Variants in DMD observed in about 807,000 individuals in gnomAD.
DMD encodes the protein mutant dystrophin.
A neutral mutation model predicts 330.1 loss-of-function variants in DMD; 63 were observed. The observed-to-expected ratio is 0.19, with a 90% CI of 0.16 to 0.24. The LOEUF is 0.24. DMD is among the 10% of genes least tolerant of loss of function. DMD has a pLI of 1.00. For synonymous variants in DMD, 1,223 were observed against 959.8 expected (o/e 1.27, Z -5.07); for missense variants, 3,344 against 2,684.1 (o/e 1.25, Z -5.43).
intron 7 of DMD, among the ~76,000 whole-genome samples, chrX:32,705,997 C>G (rs1451870122): frequency 9.2e-6 from 1 of 108,618 alleles, no homozygotes; most frequent in Non-Finnish European, 1.9e-5. Flanking sequence ...CAATGATAGA[C>G]TGGATTAAGA....
chrX:32,738,246 T>C (rs754099441), intron 7 of DMD, among the ~76,000 whole-genome samples: 2 of 111,887 alleles, frequency 1.8e-5, no homozygotes, highest in African/African-American at 3.2e-5. Context: ...TGATGGACTT[T>C]ACCTAAGGTG....
intron 55 of DMD, among the ~76,000 whole-genome samples, chrX:31,520,336 G>A (rs1043257262): frequency 5.4e-5 from 6 of 110,133 alleles, no homozygotes; most frequent in African/African-American, 2.0e-4. Context: ...GAGATTTGAT[G>A]GTTTTATAAG....
At chrX:32,783,080 CACAT>C (rs1476963504) in intron 7 of DMD, among the ~76,000 whole-genome samples, 1 of 101,375 alleles carries the variant, frequency 9.9e-6, no homozygotes, top group Non-Finnish European at 2.0e-5. Flanking sequence ...TATATACACA[CACAT>C]ATACATATAT....
chrX:31,443,155 G>A, intron 60 of DMD, among the ~76,000 whole-genome samples: 1 of 111,644 alleles, frequency 9.0e-6, no homozygotes, highest in South Asian at 3.9e-4. Context: ...GAGAAAATTG[G>A]AAAGGAGAGA....
At chrX:32,927,918 G>A (rs2089216476) in intron 2 of DMD, among the ~76,000 whole-genome samples, 1 of 110,807 alleles carries the variant, frequency 9.0e-6, no homozygotes, top group African/African-American at 3.3e-5. Flanking sequence ...TCATGTATTA[G>A]GCAGTTTCCA....
chrX:32,107,748 A>G (rs2096571511), intron 44 of DMD, among the ~76,000 whole-genome samples: 1 of 111,200 alleles, frequency 9.0e-6, no homozygotes, highest in African/African-American at 3.3e-5. Context: ...CTCATCTGAT[A>G]ACACTTGCAC....
chrX:32,429,395 T>TTTTG (rs1390628669), intron 29 of DMD, among the ~76,000 whole-genome samples: 3 of 78,484 alleles, frequency 3.8e-5, no homozygotes, highest in Non-Finnish European at 4.8e-5. Context: ...GGGTTTTTTT[T>TTTTG]TTTTTTTTTT....
chrX:31,800,457 T>TC (rs1364790074), intron 50 of DMD, among the ~76,000 whole-genome samples: 1 of 112,158 alleles, frequency 8.9e-6, no homozygotes, highest in African/African-American at 3.2e-5. Flanking sequence ...GTCCTGAGAC[T>TC]CCACAAAGCA....
At chrX:33,304,026 A>C (rs2053713199) in intron 1 of DMD, among the ~76,000 whole-genome samples, 2 of 111,546 alleles carry the variant, frequency 1.8e-5, no homozygotes, top group Non-Finnish European at 3.8e-5. Flanking sequence ...TATAAATATG[A>C]ATTAATTCCT....
intron 52 of DMD, among the ~76,000 whole-genome samples, chrX:31,696,114 G>A (rs1318164380): frequency 9.0e-6 from 1 of 111,375 alleles, no homozygotes; most frequent in Non-Finnish European, 1.9e-5. Flanking sequence ...ACTCCCAGGT[G>A]TATATCCAAC....
At chrX:31,375,322 C>T (rs758950505) in intron 60 of DMD, among the ~76,000 whole-genome samples, 4 of 111,650 alleles carry the variant, frequency 3.6e-5, no homozygotes, top group African/African-American at 6.5e-5. Flanking sequence ...TTTTCCTCTG[C>T]GCAGTCATGC....
At chrX:32,078,471 C>T (rs2096369029) in intron 44 of DMD, among the ~76,000 whole-genome samples, 1 of 112,052 alleles carries the variant, frequency 8.9e-6, no homozygotes, top group African/African-American at 3.2e-5. Flanking sequence ...CAATCACTTG[C>T]CACCATAATT....
intron 2 of DMD, among the ~76,000 whole-genome samples, chrX:32,877,282 C>A (rs1479032009): frequency 1.8e-5 from 2 of 112,317 alleles, no homozygotes; most frequent in Non-Finnish European, 3.8e-5. Context: ...CTGTGGTTAT[C>A]ATTTAGAATT....
chrX:32,029,973 T>G (rs1386407377), intron 44 of DMD, among the ~76,000 whole-genome samples: 1 of 111,592 alleles, frequency 9.0e-6, no homozygotes, highest in Admixed American at 9.5e-5. Flanking sequence ...GTCTCAGAGA[T>G]AAAATGCCAG....
chrX:32,311,237 G>A (rs957008149), intron 41 of DMD, among the ~76,000 whole-genome samples: 3 of 110,898 alleles, frequency 2.7e-5, no homozygotes, highest in Non-Finnish European at 5.7e-5. Flanking sequence ...TCACCTGAGG[G>A]TTTCAGTGGT....
intron 57 of DMD, among the ~76,000 whole-genome samples, chrX:31,490,412 A>G (rs2069178684): frequency 9.0e-6 from 1 of 110,950 alleles, no homozygotes; most frequent in African/African-American, 3.3e-5. Context: ...AATACAAAAC[A>G]TTAGCCAGGT....
At chrX:31,139,673 A>C (rs1357642429) in intron 76 of DMD, among the ~76,000 whole-genome samples, 1 of 99,995 alleles carries the variant, frequency 1.0e-5, no homozygotes, top group East Asian at 3.5e-4. Context: ...CAAAGGCATG[A>C]GAATGATACC....
intron 43 of DMD, among the ~76,000 whole-genome samples, chrX:32,243,335 T>C (rs2097216524): frequency 8.9e-6 from 1 of 111,733 alleles, no homozygotes; most frequent in Non-Finnish European, 1.9e-5. Flanking sequence ...TACAGTAAAC[T>C]GGTAAAGCAA....
intron 54 of DMD, among the ~76,000 whole-genome samples, chrX:31,641,522 A>T (rs2046922427): frequency 9.3e-6 from 1 of 107,350 alleles, no homozygotes. Context: ...AAAAAAAAAA[A>T]GGAATAAGGA....
Sources: gnomAD v4.1 joint callset for allele counts (sites outside exome capture counted in the v4.1 genomes callset) on GRCh38, gnomAD v4.1.1 for gene constraint, MANE v1.5 for transcripts, NCBI Gene and HGNC (gene_info 2026-07-23, HGNC 2026-07-21) for gene names.